The following MAST3 variants were observed in gnomAD, a reference collection of about 807,000 sequenced individuals.
MAST3 encodes the protein microtubule-associated serine/threonine-protein kinase 3.
Under a neutral mutation model 127.0 loss-of-function variants are expected in MAST3, and 43 were observed. That is an observed-to-expected ratio of 0.34 (90% confidence interval 0.27 to 0.44). The LOEUF (loss-of-function observed/expected upper bound fraction) is 0.44. Ranked by LOEUF, MAST3 falls within the 20% of genes least tolerant of loss-of-function variation. MAST3 has a pLI of 1.00. For synonymous variants in MAST3, 785 were observed against 809.2 expected (o/e 0.97, Z 0.51); for missense variants, 1,390 against 1,919.1 (o/e 0.72, Z 5.15).
chr19:18,124,448 G>A, intron 10 of MAST3, 82 bp downstream of exon 10: 1 of 1,415,074 alleles, frequency 7.1e-7, no homozygotes, highest in Non-Finnish European at 9.7e-7. Context: ...AGATACAGGT[G>A]ACAGTTCCCA....
At position 18,143,942 on chromosome 19, in the gene MAST3, T is replaced by G. The variant is rs1206417544; in HGVS notation, c.2519T>G (p.Ile840Ser). The change falls in exon 22 of 28, where the codon ATT becomes AGT. Residue 840 changes from isoleucine to serine, a missense_variant. Transcript: ENST00000687212. Reference protein sequence around the residue: ...GPAGPKRPVFILGEPDPPPAA... With the variant: ...GPAGPKRPVFSLGEPDPPPAA... Reference sequence around the variant, plus strand: ...GCAGGCCCCAAGAGGCCCGTCTTCATTCTAGGGGAGCCTGACCCCCCACCA... The same window carrying G: ...GCAGGCCCCAAGAGGCCCGTCTTCAGTCTAGGGGAGCCTGACCCCCCACCA... 2 of 1,609,950 alleles carry G rather than the reference T, an allele frequency of 1.2e-6. No homozygotes were observed. Among genetic ancestry groups the G allele is most frequent in the African/African-American group, 2.7e-5 (2 of 74,880 alleles).
At chr19:18,138,862 C>T (rs1251049247) in intron 19 of MAST3, among the ~76,000 whole-genome samples, 153 bp from the exon 20 acceptor site, 1 of 152,228 alleles carries the variant, frequency 6.6e-6, no homozygotes, top group Non-Finnish European at 1.5e-5. Flanking sequence ...GCCCAAGCCT[C>T]CCGTGGTCCT....
At chr19:18,132,151 G>A (rs1042976533) in intron 15 of MAST3, 104 bp downstream of exon 15, 11 of 1,454,852 alleles carry the variant, frequency 7.6e-6, no homozygotes, top group Non-Finnish European at 1.0e-5. Context: ...GTGCATCCCG[G>A]GACCCTTCAG....
At chr19:18,122,163 G>A (rs2040065879) in intron 5 of MAST3, 1 of 981,250 alleles carries the variant, frequency 1.0e-6, no homozygotes. Flanking sequence ...GGGGGTCATG[G>A]GGGGATATAG....
In MAST3 at chr19:18,149,123, C is replaced by T. The variant is rs866079508; in HGVS notation, c.3509-68C>T. 2.5e-4 allele frequency: 350 copies of T among 1,402,326 alleles called. 1 individual carries two copies. The highest frequency in any genetic ancestry group is 2.7e-4 in the Middle Eastern group (1 of 3,748). The allele number at this position is 1,402,326 out of a possible 1,614,324, so 86.9% of individuals were successfully genotyped here. The stretch of plus-strand genomic sequence containing the variant: ...GTGGGCTTTAGCAGTTTTTGTCAGT[C>T]CCACAGCTCCACTTCTGGGCTGGGG... On this transcript the variant is annotated intron_variant, in intron 27 of 27. Transcript: ENST00000687212. This position sits in a 1 kb window ranked among gnomAD's most constrained non-coding sequence, Gnocchi z 5.9.
chr19:18,140,055 G>A (rs1341918447), intron 20 of MAST3, among the ~76,000 whole-genome samples: 4 of 150,640 alleles, frequency 2.7e-5, no homozygotes, highest in African/African-American at 4.9e-5. Flanking sequence ...TCCTGACCTC[G>A]TGATCCACCT....
Position 18,145,995 on chromosome 19 carries a change from C to A in MAST3, c.3162+130C>A. ...ATGTCAACTCCAGGCCTGGCACATC[C>A]ACTTCCTTCGGCCCAGAATACATGT... On this transcript the variant is annotated intron_variant, in intron 25 of 27. Coordinates refer to ENST00000687212, the MANE Select transcript of MAST3 (RefSeq NM_001393504.1). This position sits in a 1 kb window ranked among gnomAD's most constrained non-coding sequence, Gnocchi z 5.9. The A allele has an allele frequency of 1.7e-6, 2 of 1,162,288 alleles. No individual in the cohort carries two copies. Among genetic ancestry groups the A allele is most frequent in the South Asian group, 3.3e-5 (2 of 60,930 alleles). The allele number at this position is 1,162,288 out of a possible 1,614,324, so 72.0% of individuals were successfully genotyped here. A position where few individuals can be genotyped will look rare whatever the true frequency, so the allele number is the denominator to read the frequency against.
At chr19:18,104,393 G>A (rs925293406) in intron 1 of MAST3, among the ~76,000 whole-genome samples, 3 of 151,822 alleles carry the variant, frequency 2.0e-5, no homozygotes, top group Non-Finnish European at 4.4e-5. Flanking sequence ...CATCGTGACA[G>A]CTTGGTTTTC....
Position 18,137,361 on chromosome 19 carries a change from A to G in MAST3, c.2095A>G (p.Thr699Ala), listed in dbSNP as rs777250027. ...EAEDDTSYFD[T>A]RSERYRHLGS... The stretch of plus-strand genomic sequence containing the variant: ...TGAGGATGATACCAGCTACTTTGAC[A>G]GTAAGGAGGGATCCCCCTGGAGGGG... Residue 699 changes from threonine (T) to alanine (A), a missense_variant and splice_region_variant, in exon 19 of 28, where the codon ACA becomes GCA. This residue lies in a region of MAST3 where 191 missense variants were observed against 409.0 expected (regional missense o/e 0.47). Transcript: ENST00000687212. The G allele has an allele frequency of 2.2e-5, 36 of 1,612,846 alleles. No individual in the cohort carries two copies. The highest frequency in any genetic ancestry group is 3.0e-5 in the Non-Finnish European group (35 of 1,179,190).
rs766602771 is a variant in MAST3 at position 18,147,051 on chromosome 19, A to G, written c.3326+7A>G. 1 of 1,538,660 alleles carries G rather than the reference A, an allele frequency of 6.5e-7. No homozygotes were observed. The highest frequency in any genetic ancestry group is 8.8e-7 in the Non-Finnish European group (1 of 1,141,216). On this transcript the variant is annotated splice_region_variant and intron_variant, in intron 26 of 27. Coordinates refer to ENST00000687212, the MANE Select transcript of MAST3 (RefSeq NM_001393504.1). The stretch of plus-strand genomic sequence containing the variant: ...CAGTGACCACCAGGGAGCGGTACAC[A>G]GGGGGCGGGGCCACGGGGACTGGGG...
intron 1 of MAST3, among the ~76,000 whole-genome samples, chr19:18,098,383 T>C (rs2037196385): frequency 6.6e-6 from 1 of 152,048 alleles, no homozygotes; most frequent in Non-Finnish European, 1.5e-5. Context: ...ATCTGCGCCC[T>C]CAACCAGCTC....
At chr19:18,132,918 CAT>C (rs2041476886) in intron 15 of MAST3, among the ~76,000 whole-genome samples, 1 of 152,210 alleles carries the variant, frequency 6.6e-6, no homozygotes, top group Non-Finnish European at 1.5e-5. Flanking sequence ...GCCTGGCCAA[CAT>C]AGTGAAACCT....
rs2038288195 is a variant in MAST3 at position 18,109,000 on chromosome 19, G to A, written c.71+1382G>A. ...CAGAGAAAGAGACAGAGGTGCTGGG[G>A]GTGGCTTTATCCTGAAGATCTGGGG... On this transcript the variant is annotated intron_variant, in intron 2 of 27. Coordinates refer to ENST00000687212, the MANE Select transcript of MAST3 (RefSeq NM_001393504.1). Among the ~76,000 whole-genome samples the A allele has an allele frequency of 2.0e-5, 3 of 152,134 alleles. 1 individual carries two copies. Among genetic ancestry groups the A allele is most frequent in the Admixed American group, 2.0e-4 (3 of 15,266 alleles).
In MAST3 at chr19:18,110,635, G is replaced by A. The variant is rs1358901628; in HGVS notation, c.72-17G>A. Reference sequence around the variant, plus strand: ...GGCGGCCGCCAGGTTCACCGTCCCCGGCCTCTTTCTTTGCAGTCTGTCTCC... The same window carrying A: ...GGCGGCCGCCAGGTTCACCGTCCCCAGCCTCTTTCTTTGCAGTCTGTCTCC... On this transcript the variant is annotated splice_polypyrimidine_tract_variant and intron_variant, in intron 2 of 27. Coordinates refer to ENST00000687212, the MANE Select transcript of MAST3 (RefSeq NM_001393504.1). This position sits in a 1 kb window ranked among gnomAD's most constrained non-coding sequence, Gnocchi z 4.3. 2.0e-6 allele frequency: 2 copies of A among 982,956 alleles called. No individual in the cohort carries two copies. The highest frequency in any genetic ancestry group is 2.4e-6 in the Non-Finnish European group (2 of 827,340). The allele number at this position is 982,956 out of a possible 1,614,324, so 60.9% of individuals were successfully genotyped here.
chr19:18,146,836 C>T (rs1461791334), intron 25 of MAST3, 45 bp from the exon 26 acceptor site: 1 of 1,510,594 alleles, frequency 6.6e-7, no homozygotes, highest in Admixed American at 2.1e-5. Flanking sequence ...AAGTGCTGGG[C>T]CCTGTGAGAG....
In MAST3 at chr19:18,104,179, C is replaced by CAAAAAAAA. The variant is rs56347763; in HGVS notation, c.40-3375_40-3368dup. Among the ~76,000 whole-genome samples, 18 of 43,484 alleles carry CAAAAAAAA rather than the reference C, an allele frequency of 4.1e-4. 1 individual carries two copies. Among genetic ancestry groups the CAAAAAAAA allele is most frequent in the African/African-American group, 1.0e-3 (9 of 8,858 alleles). The allele number at this position is 43,484 out of a possible 152,430, so 28.5% of individuals were successfully genotyped here. On this transcript the variant is annotated intron_variant, in intron 1 of 27. Transcript: ENST00000687212. ...TGGGCGACATAGCCAGACGCTGTCT[C>CAAAAAAAA]AAAAAAAAAAAAAAAAAAAAAAAAA...
At chr19:18,103,650 C>G (rs10413933) in intron 1 of MAST3, among the ~76,000 whole-genome samples, 1 of 152,192 alleles carries the variant, frequency 6.6e-6, no homozygotes, top group Non-Finnish European at 1.5e-5. Flanking sequence ...CCATCCAAGT[C>G]TCCCCCAGCA....
In MAST3 at chr19:18,151,011, T is replaced by C. The variant is rs1417594246; in HGVS notation, c.*1285T>C. 1 of 152,244 alleles carries C rather than the reference T, an allele frequency of 6.6e-6. No homozygotes were observed. Among genetic ancestry groups the C allele is most frequent in the Non-Finnish European group, 1.5e-5 (1 of 68,050 alleles). 9.4% of individuals were successfully genotyped at this position (152,244 alleles called of 1,614,324 possible). On this transcript the variant is annotated 3_prime_UTR_variant, in exon 28 of 28. Coordinates refer to ENST00000687212, the MANE Select transcript of MAST3 (RefSeq NM_001393504.1). ...CTACCCTGGACAAGATGCCGTGTGT[T>C]TGAGGCCCAGCAGAGTAAGCCCTTG...
rs534501201 is a variant in MAST3, at chr19:18,146,731, T to C, written c.3163-150T>C. The C allele has an allele frequency of 4.5e-6, 3 of 663,500 alleles. No homozygotes were observed. In the African/African-American group the frequency reaches 5.5e-5, roughly 12 times the overall value. 41.1% of individuals were successfully genotyped at this position (663,500 alleles called of 1,614,324 possible). A position where few individuals can be genotyped will look rare whatever the true frequency, so the allele number is the denominator to read the frequency against. The stretch of plus-strand genomic sequence containing the variant: ...CCCTGGGCTATTGTTTGACCGGATA[T>C]ATTGGGTAGGTCACTGGTTGTGTGG... On this transcript the variant is annotated intron_variant, in intron 25 of 27. Transcript: ENST00000687212.
Sources: allele counts gnomAD v4.1 joint callset (sites outside exome capture counted in the v4.1 genomes callset), GRCh38; gene constraint gnomAD v4.1.1; regional missense constraint gnomAD v4.1.1; non-coding constraint Gnocchi (gnomAD v3.1); transcripts MANE v1.5; gene names NCBI Gene and HGNC (gene_info 2026-07-23, HGNC 2026-07-21).